Variants in GLRA3 observed in about 807,000 individuals in gnomAD.
GLRA3 encodes glycine receptor subunit alpha-3.
Under a neutral mutation model 60.4 loss-of-function variants are expected in GLRA3, and 44 were observed. That is an observed-to-expected ratio of 0.73 (90% CI 0.57 to 0.94). The LOEUF is 0.94. Among genes scored for constraint, GLRA3 ranks in the 40% least tolerant of loss-of-function variants. The pLI, the probability that GLRA3 is intolerant of heterozygous loss-of-function variation, is 0.00. For missense variants in GLRA3, 508 were observed against 564.6 expected (o/e 0.90, Z 1.02); for synonymous variants, 223 against 192.9 (o/e 1.16, Z -1.29).
intron 3 of GLRA3, among the ~76,000 whole-genome samples, chr4:174,745,299 C>A (rs1737198460): frequency 6.6e-6 from 1 of 152,106 alleles, no homozygotes; most frequent in Admixed American, 6.5e-5. Flanking sequence ...GGCCCAGTGT[C>A]CCCCAAAGAG....
intron 3 of GLRA3, among the ~76,000 whole-genome samples, chr4:174,761,388 T>G (rs1252600334): frequency 6.6e-6 from 1 of 152,116 alleles, no homozygotes; most frequent in African/African-American, 2.4e-5. Context: ...TGTATGAAAA[T>G]TGAAAAACTG....
intron 6 of GLRA3, among the ~76,000 whole-genome samples, chr4:174,682,315 T>TATATAGATATATAGATATATA (rs1482973792): frequency 2.0e-5 from 3 of 152,196 alleles, no homozygotes; most frequent in Non-Finnish European, 4.4e-5. Context: ...TATCTGATAT[T>TATATAGATATATAGATATATA]TATCTCAAGT....
At chr4:174,742,349 T>C (rs975043359) in intron 3 of GLRA3, among the ~76,000 whole-genome samples, 1 of 152,180 alleles carries the variant, frequency 6.6e-6, no homozygotes. Flanking sequence ...TTGCTTTGAG[T>C]ATTGTTCAGA....
intron 7 of GLRA3, among the ~76,000 whole-genome samples, chr4:174,674,859 T>C (rs1262241176): frequency 1.3e-5 from 2 of 152,134 alleles, no homozygotes; most frequent in African/African-American, 2.4e-5. Context: ...TGTTTCTAAA[T>C]GCAAGTTATA....
rs528334497 is a variant in GLRA3 at position 174,819,129 on chromosome 4, T to C, written c.71+9612A>G. 3.3e-5 allele frequency among the ~76,000 whole-genome samples: 5 copies of C among 152,326 alleles called. No individual in the cohort carries two copies. The East Asian group carries it at 9.6e-4, about 29-fold the overall frequency. On this transcript the variant is annotated intron_variant, in intron 1 of 9. Coordinates refer to ENST00000274093, the MANE Select transcript of GLRA3 (RefSeq NM_006529.4). Reference sequence around the variant, plus strand: ...TAAACTTCTGATAAGTAGAACAAACTGATTTTAAATGATGGAAATTAACAA... The same window carrying C: ...TAAACTTCTGATAAGTAGAACAAACCGATTTTAAATGATGGAAATTAACAA...
intron 4 of GLRA3, among the ~76,000 whole-genome samples, chr4:174,718,486 A>G (rs567342587): frequency 2.5e-4 from 38 of 152,330 alleles, no homozygotes; most frequent in South Asian, 1.2e-3. Flanking sequence ...GCTGATAATA[A>G]TTTGTGACAA....
Position 174,642,212 on chromosome 4 carries a change from G to T in GLRA3, c.*1574C>A. On this transcript the variant is annotated 3_prime_UTR_variant, in exon 10 of 10. Coordinates refer to ENST00000274093, the MANE Select transcript of GLRA3 (RefSeq NM_006529.4). ...GTATAAGCTGATGTACAATAACATT[G>T]TAAAGGTTTTAGTTTTAAATGGTAG... 1 of 873,764 alleles carries T rather than the reference G, an allele frequency of 1.1e-6. No homozygotes were observed. The highest frequency in any genetic ancestry group is 1.4e-6 in the Non-Finnish European group (1 of 728,116). 54.1% of individuals were successfully genotyped at this position (873,764 alleles called of 1,614,324 possible).
chr4:174,756,711 C>G (rs889514479), intron 3 of GLRA3, among the ~76,000 whole-genome samples: 19 of 149,278 alleles, frequency 1.3e-4, no homozygotes, highest in African/African-American at 4.7e-4. Flanking sequence ...GTGGCGCGAT[C>G]TCAGCTCACT....
intron 3 of GLRA3, among the ~76,000 whole-genome samples, chr4:174,764,443 A>G (rs1195155572): frequency 6.6e-6 from 1 of 152,070 alleles, no homozygotes; most frequent in Non-Finnish European, 1.5e-5. Context: ...ATATTCATTA[A>G]TGATTACAGA....
At chr4:174,796,719 C>G (rs899346241) in intron 1 of GLRA3, among the ~76,000 whole-genome samples, 5 of 151,782 alleles carry the variant, frequency 3.3e-5, no homozygotes, top group African/African-American at 9.7e-5. Context: ...GTACTTTCAG[C>G]AGAGACAGGG....
intron 5 of GLRA3, among the ~76,000 whole-genome samples, chr4:174,696,862 A>G (rs367671653): frequency 1.3e-5 from 2 of 152,088 alleles, no homozygotes; most frequent in East Asian, 1.9e-4. Flanking sequence ...GAGAAAGTAA[A>G]AGGGAACTGG....
chr4:174,663,126 T>C (rs1207015025), intron 7 of GLRA3, among the ~76,000 whole-genome samples: 1 of 152,126 alleles, frequency 6.6e-6, no homozygotes, highest in Non-Finnish European at 1.5e-5. Flanking sequence ...AACTTACATA[T>C]GAAGTATTTC....
At chr4:174,679,928 CA>C (rs1223769987) in intron 6 of GLRA3, among the ~76,000 whole-genome samples, 24 of 152,010 alleles carry the variant, frequency 1.6e-4, no homozygotes. Flanking sequence ...TTCTAGTGTT[CA>C]ATAGCATAAT....
chr4:174,691,964 C>G (rs151095296), intron 5 of GLRA3, among the ~76,000 whole-genome samples: 1 of 151,416 alleles, frequency 6.6e-6, no homozygotes, highest in Admixed American at 6.6e-5. Flanking sequence ...TCTGCCCGGC[C>G]GCCCATCGTC....
intron 7 of GLRA3, among the ~76,000 whole-genome samples, chr4:174,659,436 A>C (rs1733351143): frequency 6.6e-6 from 1 of 152,218 alleles, no homozygotes; most frequent in Non-Finnish European, 1.5e-5. Context: ...GAAAGAAAAC[A>C]TAAGATGAAA....
At chr4:174,675,268 A>T (rs1173071116) in intron 7 of GLRA3, among the ~76,000 whole-genome samples, 1 of 152,192 alleles carries the variant, frequency 6.6e-6, no homozygotes. Context: ...TGTGGAAATT[A>T]AAGCCTTTTA....
chr4:174,674,627 A>G (rs2110945057), intron 7 of GLRA3, among the ~76,000 whole-genome samples: 1 of 152,256 alleles, frequency 6.6e-6, no homozygotes, highest in East Asian at 1.9e-4. Context: ...ATTGACACAG[A>G]GCCTAGACCA....
intron 8 of GLRA3, among the ~76,000 whole-genome samples, chr4:174,657,634 T>C (rs1424739060): frequency 6.6e-6 from 1 of 151,398 alleles, no homozygotes; most frequent in Non-Finnish European, 1.5e-5. Context: ...AAAGAAAAGA[T>C]GAGAAAGTAG....
chr4:174,688,305 C>T (rs1734626716), intron 5 of GLRA3, among the ~76,000 whole-genome samples: 1 of 105,280 alleles, frequency 9.5e-6, no homozygotes, highest in Non-Finnish European at 1.8e-5. Flanking sequence ...TAGTACTTAT[C>T]CTTACCTGAC....
Sources: gnomAD v4.1 joint callset for allele counts (sites outside exome capture counted in the v4.1 genomes callset) on GRCh38, gnomAD v4.1.1 for gene constraint, MANE v1.5 for transcripts, NCBI Gene and HGNC (gene_info 2026-07-23, HGNC 2026-07-21) for gene names.